MIB1: variants seen among roughly 807,000 people sequenced by gnomAD.
The protein encoded by MIB1 is MIB E3 ubiquitin protein ligase 1.
MIB1 carries 278 observed loss-of-function variants against 124.5 expected under a neutral mutation model. The observed-to-expected ratio is 2.23, with a 90% CI of 2.02 to 2.47. MIB1 has a LOEUF of 2.47. MIB1 is among the 30% of genes most tolerant of loss of function. MIB1 has a pLI of 0.00. For synonymous variants in MIB1, 446 were observed against 429.4 expected, an observed-to-expected ratio of 1.04 and a Z score of -0.48; for missense variants, 957 against 1,254.4, an observed-to-expected ratio of 0.76 and a Z score of 3.58.
chr18:21,816,711 G>C (rs2041832659), intron 11 of MIB1, among the ~76,000 whole-genome samples: 2 of 152,182 alleles, frequency 1.3e-5, no homozygotes, highest in Admixed American at 1.3e-4. Context: ...AGATCTCAGA[G>C]AAGAAATAAA....
At chr18:21,798,855 C>A (rs1189307543) in intron 8 of MIB1, among the ~76,000 whole-genome samples, 1 of 151,996 alleles carries the variant, frequency 6.6e-6, no homozygotes, top group Non-Finnish European at 1.5e-5. Context: ...ATGTTGTCAT[C>A]CAGAAAAGGA....
In MIB1 at chr18:21,846,850, A is replaced by G. The variant is rs750547221; in HGVS notation, c.2212-94A>G. ...GGAGGGAACATTAGGACTAGAACTCATAAGTGTCCACCACACACACATACA... is the reference window on the plus strand; with the variant it reads ...GGAGGGAACATTAGGACTAGAACTCGTAAGTGTCCACCACACACACATACA... On this transcript the variant is annotated intron_variant, in intron 15 of 20. Coordinates refer to ENST00000261537, the MANE Select transcript of MIB1 (RefSeq NM_020774.4). 8 of 1,210,028 alleles carry G rather than the reference A, an allele frequency of 6.6e-6. 1 individual carries two copies. Among genetic ancestry groups the G allele is most frequent in the South Asian group, 5.5e-5 (4 of 72,326 alleles). 75.0% of individuals were successfully genotyped at this position (1,210,028 alleles called of 1,614,324 possible).
chr18:21,718,755 G>A (rs1425347925), intron 1 of MIB1, among the ~76,000 whole-genome samples: 3 of 152,208 alleles, frequency 2.0e-5, no homozygotes, highest in Non-Finnish European at 4.4e-5. Flanking sequence ...CTTCCTTGGT[G>A]TTAGTAGACA....
chr18:21,795,314 T>A (rs906620623), intron 7 of MIB1, among the ~76,000 whole-genome samples: 3 of 133,302 alleles, frequency 2.3e-5, no homozygotes, highest in African/African-American at 3.3e-5. Context: ...AAATATATAT[T>A]ATATATAATA....
At chr18:21,844,691 A>G (rs2042120611) in intron 15 of MIB1, among the ~76,000 whole-genome samples, 3 of 152,230 alleles carry the variant, frequency 2.0e-5, no homozygotes, top group Admixed American at 2.0e-4. Context: ...GGTCTCCCAC[A>G]GTGCTGGGAT....
Position 21,858,545 on chromosome 18 carries a change from G to C in MIB1, c.2780-1G>C. ...AAAATCTTTTTAAATCTATATTATA[G>C]CAAGTGGGAATATTCCAGTATTACA... On this transcript the variant is annotated splice_acceptor_variant, in intron 19 of 20. Coordinates refer to ENST00000261537, the MANE Select transcript of MIB1 (RefSeq NM_020774.4). LOFTEE classifies it high-confidence loss of function. The C allele has an allele frequency of 7.1e-7, 1 of 1,409,736 alleles. No homozygotes were observed. The highest frequency in any genetic ancestry group is 1.0e-6 in the Non-Finnish European group (1 of 1,000,354). 87.3% of individuals were successfully genotyped at this position (1,409,736 alleles called of 1,614,324 possible).
intron 1 of MIB1, among the ~76,000 whole-genome samples, chr18:21,762,103 A>G (rs1450467753): frequency 2.3e-4 from 35 of 152,346 alleles, no homozygotes; most frequent in East Asian, 1.9e-4. Flanking sequence ...TTTCCTCTCA[A>G]ATTGGCACAG....
intron 12 of MIB1, chr18:21,829,288 T>C (rs2041957212): frequency 3.2e-6 from 1 of 308,400 alleles, no homozygotes. Context: ...TCCTAAGCAT[T>C]TGACCAGTTA....
intron 1 of MIB1, among the ~76,000 whole-genome samples, chr18:21,760,026 A>T (rs1244089312): frequency 1.3e-5 from 2 of 152,214 alleles, no homozygotes; most frequent in Non-Finnish European, 2.9e-5. Flanking sequence ...TTTGAGTATT[A>T]GTAGAATGGG....
intron 16 of MIB1, 32 bp from the exon 17 acceptor site, chr18:21,849,164 T>C (rs756289401): frequency 7.4e-7 from 1 of 1,343,782 alleles, no homozygotes; most frequent in South Asian, 1.5e-5. Context: ...TGTAATAAGA[T>C]AGGCTTGATT....
rs779482458 is a variant in MIB1, at chr18:21,748,580, C to T, written c.229+6768C>T. On this transcript the variant is annotated intron_variant, in intron 1 of 20. Coordinates refer to ENST00000261537, the MANE Select transcript of MIB1 (RefSeq NM_020774.4). The stretch of plus-strand genomic sequence containing the variant: ...GAGTAGCTGGGACTACAGGTGCGCA[C>T]CACCATGCACAGCTAATTTGTGTAT... 8.6e-4 allele frequency among the ~76,000 whole-genome samples: 131 copies of T among 151,768 alleles called. 1 individual carries two copies. Among genetic ancestry groups the T allele is most frequent in the Non-Finnish European group, 1.4e-3 (95 of 67,914 alleles).
intron 2 of MIB1, among the ~76,000 whole-genome samples, chr18:21,766,579 G>C (rs1327246932): frequency 1.3e-5 from 2 of 152,146 alleles, no homozygotes; most frequent in African/African-American, 4.8e-5. Context: ...AATCCAGCCA[G>C]TCATAGGGAG....
chr18:21,723,159 T>G (rs2040722849), intron 1 of MIB1, among the ~76,000 whole-genome samples: 1 of 152,206 alleles, frequency 6.6e-6, no homozygotes, highest in Non-Finnish European at 1.5e-5. Context: ...CAAAACTATA[T>G]TATTTTGTTT....
chr18:21,717,639 GA>G (rs1239495383), intron 1 of MIB1, among the ~76,000 whole-genome samples: 3 of 151,908 alleles, frequency 2.0e-5, no homozygotes, highest in Non-Finnish European at 4.4e-5. Flanking sequence ...AAAAAAATAT[GA>G]AAAAATCCTC....
At chr18:21,764,667 G>A (rs565111473) in intron 1 of MIB1, among the ~76,000 whole-genome samples, 2 of 151,992 alleles carry the variant, frequency 1.3e-5, no homozygotes, top group East Asian at 3.9e-4. Flanking sequence ...ACTTCAGCAC[G>A]GCTAATCTTG....
intron 15 of MIB1, among the ~76,000 whole-genome samples, chr18:21,846,149 C>T (rs563755497): frequency 6.6e-6 from 1 of 152,224 alleles, no homozygotes; most frequent in South Asian, 2.1e-4. Flanking sequence ...TTTGACTATT[C>T]TAAGTCCTTC....
At chr18:21,806,126 C>T (rs537688344) in intron 10 of MIB1, among the ~76,000 whole-genome samples, 1 of 151,670 alleles carries the variant, frequency 6.6e-6, no homozygotes, top group Non-Finnish European at 1.5e-5. Context: ...TGATCTCTAA[C>T]TCCTGACCTC....
chr18:21,789,524 A>G (rs79714762), intron 6 of MIB1, among the ~76,000 whole-genome samples: 2,463 of 152,262 alleles, frequency 0.016, 63 homozygotes, highest in African/African-American at 0.052. Flanking sequence ...TAATCTTCCG[A>G]TTAAGTGTAA....
At chr18:21,761,009 T>A (rs2041091561) in intron 1 of MIB1, among the ~76,000 whole-genome samples, 1 of 152,198 alleles carries the variant, frequency 6.6e-6, no homozygotes, top group Non-Finnish European at 1.5e-5. Flanking sequence ...AATTGTGGTA[T>A]TTTTTGTCGG....
Sources: gnomAD v4.1 joint callset for allele counts (sites outside exome capture counted in the v4.1 genomes callset) on GRCh38, gnomAD v4.1.1 for gene constraint, MANE v1.5 for transcripts, NCBI Gene and HGNC (gene_info 2026-07-23, HGNC 2026-07-21) for gene names.